Variants in UTF1 observed in about 807,000 individuals in gnomAD.
The protein encoded by UTF1 is undifferentiated embryonic cell transcription factor 1.
A neutral mutation model predicts 11.8 loss-of-function variants in UTF1; 8 were observed. That is an observed-to-expected ratio of 0.68 (90% CI 0.40 to 1.23). The LOEUF is 1.23. Ranked by LOEUF, UTF1 falls within the 50% of genes most tolerant of loss-of-function variation. UTF1 has a pLI of 0.01. For synonymous variants in UTF1, 344 were observed against 271.7 expected (o/e 1.27, Z -2.62); for missense variants, 545 against 542.1 (o/e 1.01, Z -0.05).
At chr10:133,231,555 TAGAGTCCGGGCTGTGTA>T in exon 2 of UTF1, 1 of 971,834 alleles carries the variant, frequency 1.0e-6, no homozygotes, top group Non-Finnish European at 1.4e-6. Context: ...ATTGTTTTCC[TAGAGTCCGGGCTGTGTA>T]GGAGTGCGGG....
Position 133,231,447 on chromosome 10 carries a change from C to A in UTF1, c.*5C>A. ...CTCAGGGACCCGTGCCAGTGAGTCCCGGCTGCGGCCAGTCTCCCCTCTCCA... is the reference window on the plus strand; with the variant it reads ...CTCAGGGACCCGTGCCAGTGAGTCCAGGCTGCGGCCAGTCTCCCCTCTCCA... On this transcript the variant is annotated 3_prime_UTR_variant, in exon 2 of 2. Coordinates refer to ENST00000304477, the MANE Select transcript of UTF1 (RefSeq NM_003577.3). 1 of 1,456,730 alleles carries A rather than the reference C, an allele frequency of 6.9e-7. No homozygotes were observed. Among genetic ancestry groups the A allele is most frequent in the Admixed American group, 2.3e-5 (1 of 43,072 alleles). 90.2% of individuals were successfully genotyped at this position (1,456,730 alleles called of 1,614,324 possible).
rs760548002 is a variant in UTF1 at position 133,231,372 on chromosome 10, C to T, written c.956C>T (p.Ser319Phe). 42 of 1,593,808 alleles carry T rather than the reference C, an allele frequency of 2.6e-5. No homozygotes were observed. The highest frequency in any genetic ancestry group is 6.8e-5 in the East Asian group (3 of 44,264). ...CGCGGCGCCTTCGACCAGACAGTGTCCCTGGCCGTGGGCTTCATTCTGGGC... is the reference window on the plus strand; with the variant it reads ...CGCGGCGCCTTCGACCAGACAGTGTTCCTGGCCGTGGGCTTCATTCTGGGC... ...QLRGAFDQTVSLAVGFILGSA... is the reference protein window; with the variant it reads ...QLRGAFDQTVFLAVGFILGSA... Residue 319 changes from serine (S) to phenylalanine (F), a missense_variant, in exon 2 of 2, where the codon TCC becomes TTC. Ser to Phe is a radical substitution (Grantham distance 155). Around this residue, in one of 3 missense-constraint regions of UTF1, gnomAD observed 394 missense variants for 341.5 expected, o/e 1.15. Transcript: ENST00000304477.
rs1490806399 is a variant in UTF1 at position 133,230,844 on chromosome 10, C to T, written c.550+6C>T. The stretch of plus-strand genomic sequence containing the variant: ...GCCGGCTCCCAGCGAACCAGGTAGG[C>T]GGGGGACTGGGGGGCCAGGTGGGGC... On this transcript the variant is annotated splice_donor_region_variant and intron_variant, in intron 1 of 1. Transcript: ENST00000304477. The T allele has an allele frequency of 9.2e-6, 12 of 1,297,386 alleles. No homozygotes were observed. Among genetic ancestry groups the T allele is most frequent in the Non-Finnish European group, 1.2e-5 (12 of 1,030,504 alleles). 80.4% of individuals were successfully genotyped at this position (1,297,386 alleles called of 1,614,324 possible).
intron 1 of UTF1, 21 bp from the exon 2 acceptor site, chr10:133,230,946 C>T (rs1845791474): frequency 3.1e-6 from 4 of 1,300,038 alleles, no homozygotes; most frequent in African/African-American, 3.1e-5. Flanking sequence ...ATCCGCCCGA[C>T]CGCCTGCTCC....
chr10:133,231,523 C>A lies in UTF1; in HGVS notation c.*81C>A. 3 of 1,131,688 alleles carry A rather than the reference C, an allele frequency of 2.7e-6. No individual in the cohort carries two copies. Among genetic ancestry groups the A allele is most frequent in the Non-Finnish European group, 2.4e-6 (2 of 842,552 alleles). The allele number at this position is 1,131,688 out of a possible 1,614,324, so 70.1% of individuals were successfully genotyped here. Reference sequence around the variant, plus strand: ...CTCCTGCTGCCTTCCCACCCCCGTTCTTGGGTATGTTCAATAAAAGGATTG... The same window carrying A: ...CTCCTGCTGCCTTCCCACCCCCGTTATTGGGTATGTTCAATAAAAGGATTG... On this transcript the variant is annotated 3_prime_UTR_variant, in exon 2 of 2. Coordinates refer to ENST00000304477, the MANE Select transcript of UTF1 (RefSeq NM_003577.3).
Position 133,230,604 on chromosome 10 carries a change from C to A in UTF1, c.316C>A (p.Gln106Lys). ...RRVSAALAQQ[Q>K]VRRTPAQCRR... The stretch of plus-strand genomic sequence containing the variant: ...CGTGTCGGCCGCGCTGGCCCAGCAG[C>A]AGGTGCGCCGCACCCCCGCGCAGTG... Residue 106 changes from glutamine (Q) to lysine (K), a missense_variant, in exon 1 of 2, where the codon CAG (glutamine) becomes AAG (lysine). By Grantham distance (53) the Gln-to-Lys change is moderately conservative. Around this residue, in one of 3 missense-constraint regions of UTF1, gnomAD observed 22 missense variants for 52.1 expected, o/e 0.42. Transcript: ENST00000304477. 1 of 1,416,038 alleles carries A rather than the reference C, an allele frequency of 7.1e-7. No homozygotes were observed. The highest frequency in any genetic ancestry group is 9.2e-7 in the Non-Finnish European group (1 of 1,090,914). 87.7% of individuals were successfully genotyped at this position (1,416,038 alleles called of 1,614,324 possible).
Position 133,230,283 on chromosome 10 carries a change from C to A in UTF1, c.-6C>A, listed in dbSNP as rs1845778702. ...CCATCCTCGCGCGCCGCGCCCCAGCCCCGGGATGCTGCTCCGGCCCCGCAG... is the reference window on the plus strand; with the variant it reads ...CCATCCTCGCGCGCCGCGCCCCAGCACCGGGATGCTGCTCCGGCCCCGCAG... On this transcript the variant is annotated 5_prime_UTR_variant, in exon 1 of 2. Coordinates refer to ENST00000304477, the MANE Select transcript of UTF1 (RefSeq NM_003577.3). 3 of 1,055,532 alleles carry A rather than the reference C, an allele frequency of 2.8e-6. No homozygotes were observed. The highest frequency in any genetic ancestry group is 3.4e-6 in the Non-Finnish European group (3 of 877,398). The allele number at this position is 1,055,532 out of a possible 1,614,324, so 65.4% of individuals were successfully genotyped here.
Position 133,230,363 on chromosome 10 carries a change from G to A in UTF1, c.75G>A (p.Glu25=). 3 of 1,204,542 alleles carry A rather than the reference G, an allele frequency of 2.5e-6. No individual in the cohort carries two copies. The South Asian group carries it at 9.2e-5, about 37-fold the overall frequency. 74.6% of individuals were successfully genotyped at this position (1,204,542 alleles called of 1,614,324 possible). A position where few individuals can be genotyped will look rare whatever the true frequency, so the allele number is the denominator to read the frequency against. ...CCTCGCCCGCCAGCCCCGACCCCGA[G>A]CCGCGGACACCCGGAGACGCCCCGG... ...APPSPASPDP[E]PRTPGDAPGT... The change falls in exon 1 of 2, where the codon GAG becomes GAA. Residue 25 remains glutamate, a synonymous_variant. Coordinates refer to ENST00000304477, the MANE Select transcript of UTF1 (RefSeq NM_003577.3).
rs1479535437 is a variant in UTF1 at position 133,231,132 on chromosome 10, C to T, written c.716C>T (p.Pro239Leu). Residue 239 changes from proline (P) to leucine (L), a missense_variant, in exon 2 of 2, where the codon CCC becomes CTC. This residue lies in a region of UTF1 where 394 missense variants were observed against 341.5 expected (regional missense o/e 1.15). Coordinates refer to ENST00000304477, the MANE Select transcript of UTF1 (RefSeq NM_003577.3). Reference sequence around the variant, plus strand: ...ACCTGCATCCCCGAGGACCGCGCGCCCGTCCGCGGCCCCGGGTCCCCGCCG... The same window carrying T: ...ACCTGCATCCCCGAGGACCGCGCGCTCGTCCGCGGCCCCGGGTCCCCGCCG... ...LATCIPEDRAPVRGPGSPPPP... is the reference protein window; with the variant it reads ...LATCIPEDRALVRGPGSPPPP... The T allele has an allele frequency of 1.6e-6, 2 of 1,230,152 alleles. No individual in the cohort carries two copies. Among genetic ancestry groups the T allele is most frequent in the African/African-American group, 3.2e-5 (2 of 63,120 alleles). 76.2% of individuals were successfully genotyped at this position (1,230,152 alleles called of 1,614,324 possible).
rs1845789859 is a variant in UTF1, at chr10:133,230,847, G to A, written c.550+9G>A. 1.5e-6 allele frequency: 2 copies of A among 1,296,430 alleles called. 1 individual carries two copies. The highest frequency in any genetic ancestry group is 1.9e-6 in the Non-Finnish European group (2 of 1,029,790). The allele number at this position is 1,296,430 out of a possible 1,614,324, so 80.3% of individuals were successfully genotyped here. On this transcript the variant is annotated intron_variant, in intron 1 of 1. Transcript: ENST00000304477. ...GGCTCCCAGCGAACCAGGTAGGCGG[G>A]GGACTGGGGGGCCAGGTGGGGCCGA...
In UTF1 at chr10:133,230,588, C is replaced by A. The variant is rs1486056442; in HGVS notation, c.300C>A (p.Ala100=). 7.1e-7 allele frequency: 1 copy of A among 1,403,570 alleles called. No homozygotes were observed. The highest frequency in any genetic ancestry group is 1.5e-5 in the South Asian group (1 of 66,930). 86.9% of individuals were successfully genotyped at this position (1,403,570 alleles called of 1,614,324 possible). A position where few individuals can be genotyped will look rare whatever the true frequency, so the allele number is the denominator to read the frequency against. The stretch of plus-strand genomic sequence containing the variant: ...TGCCCACCTACCGCCGCGTGTCGGC[C>A]GCGCTGGCCCAGCAGCAGGTGCGCC... ...QALPTYRRVS[A]ALAQQQVRRT... is the part of the protein sequence containing the mutation. Residue 100 remains alanine, a synonymous_variant, in exon 1 of 2, where the codon GCC becomes GCA. Transcript: ENST00000304477.
At position 133,231,026 on chromosome 10, in the gene UTF1, T is replaced by G; in HGVS notation, c.610T>G (p.Phe204Val). 1 of 1,327,140 alleles carries G rather than the reference T, an allele frequency of 7.5e-7. No individual in the cohort carries two copies. The highest frequency in any genetic ancestry group is 9.6e-7 in the Non-Finnish European group (1 of 1,043,538). 82.2% of individuals were successfully genotyped at this position (1,327,140 alleles called of 1,614,324 possible). Reference sequence around the variant, plus strand: ...CGCGGACCCCACCTGGACGCTCCGCTTCAGCCCGTCCCCACCGAAGTCTGC... The same window carrying G: ...CGCGGACCCCACCTGGACGCTCCGCGTCAGCCCGTCCCCACCGAAGTCTGC... ...RDADPTWTLR[F>V]SPSPPKSADA... The change falls in exon 2 of 2, where the codon TTC becomes GTC. Residue 204 changes from phenylalanine (F) to valine (V), a missense_variant. Transcript: ENST00000304477.
At position 133,231,133 on chromosome 10, in the gene UTF1, C is replaced by T. The variant is rs1845794228; in HGVS notation, c.717C>T (p.Pro239=). ...CCTGCATCCCCGAGGACCGCGCGCC[C>T]GTCCGCGGCCCCGGGTCCCCGCCGC... ...LATCIPEDRA[P]VRGPGSPPPP... The change falls in exon 2 of 2, where the codon CCC becomes CCT. Residue 239 remains proline, a synonymous_variant. Coordinates refer to ENST00000304477, the MANE Select transcript of UTF1 (RefSeq NM_003577.3). 1 of 1,230,020 alleles carries T rather than the reference C, an allele frequency of 8.1e-7. No homozygotes were observed. Among genetic ancestry groups the T allele is most frequent in the Non-Finnish European group, 1.0e-6 (1 of 990,002 alleles). The allele number at this position is 1,230,020 out of a possible 1,614,324, so 76.2% of individuals were successfully genotyped here.
rs1489925851 is a variant in UTF1 at position 133,230,666 on chromosome 10, C to T, written c.378C>T (p.Arg126=). The change falls in exon 1 of 2, where the codon CGC becomes CGT. Residue 126 remains arginine (R), a synonymous_variant. Transcript: ENST00000304477. ...RRYKFLKDKF[R]EAHGQPPGPF... The stretch of plus-strand genomic sequence containing the variant: ...ACAAGTTCCTTAAAGACAAGTTTCG[C>T]GAGGCGCACGGCCAGCCGCCCGGGC... 6.0e-6 allele frequency: 9 copies of T among 1,489,194 alleles called. No individual in the cohort carries two copies. The highest frequency in any genetic ancestry group is 8.0e-6 in the Non-Finnish European group (9 of 1,127,962). The allele number at this position is 1,489,194 out of a possible 1,614,324, so 92.2% of individuals were successfully genotyped here.
Position 133,231,033 on chromosome 10 carries a change from C to G in UTF1, c.617C>G (p.Pro206Arg). 2 of 1,320,686 alleles carry G rather than the reference C, an allele frequency of 1.5e-6. No homozygotes were observed. Among genetic ancestry groups the G allele is most frequent in the Non-Finnish European group, 1.9e-6 (2 of 1,040,102 alleles). 81.8% of individuals were successfully genotyped at this position (1,320,686 alleles called of 1,614,324 possible). The stretch of plus-strand genomic sequence containing the variant: ...CCCACCTGGACGCTCCGCTTCAGCC[C>G]GTCCCCACCGAAGTCTGCGGACGCC... ...ADPTWTLRFS[P>R]SPPKSADASP... The change falls in exon 2 of 2, where the codon CCG (proline) becomes CGG (arginine). Residue 206 changes from proline to arginine, a missense_variant. By Grantham distance (103) the Pro-to-Arg change is moderately radical. Coordinates refer to ENST00000304477, the MANE Select transcript of UTF1 (RefSeq NM_003577.3).
rs1456328752 is a variant in UTF1 at position 133,230,373 on chromosome 10, C to G, written c.85C>G (p.Pro29Ala). 1 of 1,246,502 alleles carries G rather than the reference C, an allele frequency of 8.0e-7. No homozygotes were observed. Among genetic ancestry groups the G allele is most frequent in the African/African-American group, 1.6e-5 (1 of 62,680 alleles). The allele number at this position is 1,246,502 out of a possible 1,614,324, so 77.2% of individuals were successfully genotyped here. A position where few individuals can be genotyped will look rare whatever the true frequency, so the allele number is the denominator to read the frequency against. Residue 29 changes from proline (P) to alanine (A), a missense_variant, in exon 1 of 2, where the codon CCC becomes GCC. Physicochemically the swap from Pro to Ala is conservative, Grantham distance 27. Around this residue, in one of 3 missense-constraint regions of UTF1, gnomAD observed 129 missense variants for 148.5 expected, o/e 0.87. Coordinates refer to ENST00000304477, the MANE Select transcript of UTF1 (RefSeq NM_003577.3). ...CAGCCCCGACCCCGAGCCGCGGACA[C>G]CCGGAGACGCCCCGGGGACCCCGCC... ...PASPDPEPRT[P>A]GDAPGTPPRR...
At position 133,230,709 on chromosome 10, in the gene UTF1, C is replaced by G; in HGVS notation, c.421C>G (p.Arg141Gly). The change falls in exon 1 of 2, where the codon CGG becomes GGG. Residue 141 changes from arginine to glycine, a missense_variant. Physicochemically the swap from Arg to Gly is moderately radical, Grantham distance 125. Coordinates refer to ENST00000304477, the MANE Select transcript of UTF1 (RefSeq NM_003577.3). ...QPPGPFDEQI[R>G]KLMGLLGDNG... is the part of the protein sequence containing the mutation. ...GCCCGGGCCCTTCGACGAGCAGATCCGGAAGCTCATGGGGCTGCTGGGCGA... is the reference window on the plus strand; with the variant it reads ...GCCCGGGCCCTTCGACGAGCAGATCGGGAAGCTCATGGGGCTGCTGGGCGA... The G allele has an allele frequency of 2.7e-6, 4 of 1,475,642 alleles. No homozygotes were observed. The highest frequency in any genetic ancestry group is 3.6e-6 in the Non-Finnish European group (4 of 1,119,580). The allele number at this position is 1,475,642 out of a possible 1,614,324, so 91.4% of individuals were successfully genotyped here.
In UTF1 at chr10:133,231,523, C is replaced by CT. The variant is rs1845800393; in HGVS notation, c.*83dup. 1 of 1,131,568 alleles carries CT rather than the reference C, an allele frequency of 8.8e-7. No homozygotes were observed. The highest frequency in any genetic ancestry group is 1.2e-6 in the Non-Finnish European group (1 of 842,558). 70.1% of individuals were successfully genotyped at this position (1,131,568 alleles called of 1,614,324 possible). A position where few individuals can be genotyped will look rare whatever the true frequency, so the allele number is the denominator to read the frequency against. On this transcript the variant is annotated 3_prime_UTR_variant, in exon 2 of 2. Coordinates refer to ENST00000304477, the MANE Select transcript of UTF1 (RefSeq NM_003577.3). ...CTCCTGCTGCCTTCCCACCCCCGTT[C>CT]TTGGGTATGTTCAATAAAAGGATTG...
At position 133,230,764 on chromosome 10, in the gene UTF1, C is replaced by A; in HGVS notation, c.476C>A (p.Ser159Tyr). Residue 159 changes from serine (S) to tyrosine (Y), a missense_variant, in exon 1 of 2, where the codon TCC (serine) becomes TAC (tyrosine). Coordinates refer to ENST00000304477, the MANE Select transcript of UTF1 (RefSeq NM_003577.3). The stretch of plus-strand genomic sequence containing the variant: ...GGGCGCAAACGGCCTCGCCGCCGCT[C>A]CCCGGGGTCCGGGCGCCCCCAGCGC... ...DNGRKRPRRR[S>Y]PGSGRPQRAR... is the part of the protein sequence containing the mutation. 2 of 1,377,812 alleles carry A rather than the reference C, an allele frequency of 1.5e-6. No individual in the cohort carries two copies. The highest frequency in any genetic ancestry group is 3.4e-5 in the Admixed American group (1 of 29,788). The allele number at this position is 1,377,812 out of a possible 1,614,324, so 85.3% of individuals were successfully genotyped here.
Sources: gnomAD v4.1 joint callset for allele counts on GRCh38, gnomAD v4.1.1 for gene constraint, gnomAD v4.1.1 regional missense constraint, MANE v1.5 for transcripts, NCBI Gene and HGNC (gene_info 2026-07-23, HGNC 2026-07-21) for gene names.